The following CDV3 variants were observed in gnomAD, a reference collection of about 807,000 sequenced individuals.
CDV3 encodes protein CDV3 homolog.
Under a neutral mutation model 24.5 loss-of-function variants are expected in CDV3, and 14 were observed. The ratio of observed to expected loss-of-function variants is 0.57; its 90% CI spans 0.38 to 0.89. The LOEUF (loss-of-function observed/expected upper bound fraction) is 0.89, where lower values mean the gene tolerates loss of function less well. Among genes scored for constraint, CDV3 ranks in the 40% least tolerant of loss-of-function variants. The pLI, the probability that CDV3 is intolerant of heterozygous loss-of-function variation, is 0.00. For missense variants in CDV3, 304 were observed against 310.2 expected, an observed-to-expected ratio of 0.98 and a Z score of 0.15; for synonymous variants, 114 against 114.1, an observed-to-expected ratio of 1.00 and a Z score of 0.00.
intron 1 of CDV3, 200 bp from the exon 2 acceptor site, chr3:133,574,839 G>T: frequency 1.4e-6 from 1 of 734,030 alleles, no homozygotes; most frequent in Non-Finnish European, 2.0e-6. Flanking sequence ...GAACCCAGCG[G>T]AAGTATAGTG....
intron 2 of CDV3, among the ~76,000 whole-genome samples, chr3:133,580,281 C>G (rs540412400): frequency 7.0e-4 from 107 of 152,310 alleles, no homozygotes; most frequent in Non-Finnish European, 1.3e-3. Flanking sequence ...TTATCCATGT[C>G]CCTGCAAAGG....
At position 133,588,161 on chromosome 3, in the gene CDV3, T is replaced by G. The variant is rs750363080; in HGVS notation, c.*115T>G. 4 of 1,549,088 alleles carry G rather than the reference T, an allele frequency of 2.6e-6. No individual in the cohort carries two copies. The highest frequency in any genetic ancestry group is 3.5e-6 in the Non-Finnish European group (4 of 1,149,228). On this transcript the variant is annotated 3_prime_UTR_variant, in exon 5 of 5. Transcript: ENST00000264993. Reference sequence around the variant, plus strand: ...CAGACACCGATGCAGACCACTCGATTTCATGACCGGCCCTATTGCACTATG... The same window carrying G: ...CAGACACCGATGCAGACCACTCGATGTCATGACCGGCCCTATTGCACTATG...
intron 2 of CDV3, among the ~76,000 whole-genome samples, chr3:133,583,376 T>C (rs536657947): frequency 5.3e-5 from 8 of 152,336 alleles, no homozygotes; most frequent in African/African-American, 1.9e-4. Context: ...TGCCTGTTTG[T>C]ACACTTTGGT....
intron 2 of CDV3, among the ~76,000 whole-genome samples, chr3:133,581,492 T>C (rs1933016523): frequency 1.3e-5 from 2 of 152,228 alleles, no homozygotes. Flanking sequence ...TAAAGAAATA[T>C]GTAAGAATTA....
intron 2 of CDV3, among the ~76,000 whole-genome samples, chr3:133,576,840 G>GTTTTTTTTTTTTT (rs1378596698): frequency 9.2e-4 from 24 of 26,044 alleles, no homozygotes; most frequent in South Asian, 1.7e-3. Flanking sequence ...AGGTAGACTA[G>GTTTTTTTTTTTTT]CTTTTTTTTT....
rs1296482598 is a variant in CDV3 at position 133,589,714 on chromosome 3, C to T, written c.*1668C>T. 2 of 152,440 alleles carry T rather than the reference C, an allele frequency of 1.3e-5. No homozygotes were observed. The highest frequency in any genetic ancestry group is 2.4e-5 in the African/African-American group (1 of 41,428). The allele number at this position is 152,440 out of a possible 1,614,324, so 9.4% of individuals were successfully genotyped here. On this transcript the variant is annotated 3_prime_UTR_variant, in exon 5 of 5. Transcript: ENST00000264993. The stretch of plus-strand genomic sequence containing the variant: ...AAGTGTCCGTGCAGGAATTGGACTC[C>T]GAGGAGGGTTACAGTATCTCCTGAC...
intron 1 of CDV3, 40 bp downstream of exon 1, chr3:133,574,324 G>A: frequency 2.1e-6 from 2 of 931,766 alleles, no homozygotes; most frequent in Non-Finnish European, 2.6e-6. Flanking sequence ...CCCGGGCCGC[G>A]CGCCGGCGCC....
intron 2 of CDV3, among the ~76,000 whole-genome samples, chr3:133,582,596 T>C (rs892327290): frequency 3.9e-5 from 6 of 152,234 alleles, no homozygotes; most frequent in South Asian, 2.1e-4. Context: ...TCCTTAGATA[T>C]CCTTTTGCAG....
At chr3:133,576,841 C>CTTTTTTTTTTTTTTTTTCTTTTT (rs2074829028) in intron 2 of CDV3, among the ~76,000 whole-genome samples, 1 of 62,388 alleles carries the variant, frequency 1.6e-5, no homozygotes, top group Admixed American at 2.3e-4. Flanking sequence ...GGTAGACTAG[C>CTTTTTTTTTTTTTTTTTCTTTTT]TTTTTTTTTT....
chr3:133,588,510 A>C lies in CDV3; in HGVS notation c.*464A>C. 1.2e-6 allele frequency: 1 copy of C among 837,672 alleles called. No individual in the cohort carries two copies. The highest frequency in any genetic ancestry group is 1.9e-6 in the Non-Finnish European group (1 of 535,850). 51.9% of individuals were successfully genotyped at this position (837,672 alleles called of 1,614,324 possible). ...GGATTCTTATCAGAAATCCTGCATA[A>C]AAAGTCAGCCATCTGGGTTCTGATC... On this transcript the variant is annotated 3_prime_UTR_variant, in exon 5 of 5. Transcript: ENST00000264993.
Position 133,574,096 on chromosome 3 carries a change from A to G in CDV3, c.52A>G (p.Lys18Glu). Residue 18 changes from lysine to glutamate, a missense_variant, in exon 1 of 5, where the codon AAG becomes GAG. Around this residue, in one of 3 missense-constraint regions of CDV3, gnomAD observed 219 missense variants for 203.6 expected, o/e 1.08. Coordinates refer to ENST00000264993, the MANE Select transcript of CDV3 (RefSeq NM_017548.5). ...SLDNFFAKRD[K>E]KKKKERSNRA... is the part of the protein sequence containing the mutation. The stretch of plus-strand genomic sequence containing the variant: ...GGACAACTTCTTTGCCAAGAGGGAC[A>G]AGAAGAAGAAGAAGGAGCGGAGCAA... The G allele has an allele frequency of 8.8e-7, 1 of 1,131,518 alleles. No individual in the cohort carries two copies. The highest frequency in any genetic ancestry group is 1.1e-6 in the Non-Finnish European group (1 of 894,278). 70.1% of individuals were successfully genotyped at this position (1,131,518 alleles called of 1,614,324 possible).
Position 133,584,218 on chromosome 3 carries a change from CA to C in CDV3, c.466+70del, listed in dbSNP as rs1326333851. The C allele has an allele frequency of 3.5e-6, 4 of 1,157,446 alleles. No homozygotes were observed. The East Asian group carries it at 9.7e-5, about 28-fold the overall frequency. The allele number at this position is 1,157,446 out of a possible 1,614,324, so 71.7% of individuals were successfully genotyped here. The stretch of plus-strand genomic sequence containing the variant: ...TATGATTTTATATATGGTCCACTTT[CA>C]ACTAAGTGCATGATTGTGGTAGGGT... On this transcript the variant is annotated intron_variant, in intron 3 of 4. Transcript: ENST00000264993.
At chr3:133,583,468 C>G (rs1442861007) in intron 2 of CDV3, among the ~76,000 whole-genome samples, 2 of 152,192 alleles carry the variant, frequency 1.3e-5, no homozygotes, top group Admixed American at 1.3e-4. Context: ...TCCTCTCTTC[C>G]CTCCCTTAGT....
chr3:133,587,382 C>G, intron 4 of CDV3: 1 of 1,220,776 alleles, frequency 8.2e-7, no homozygotes, highest in Non-Finnish European at 1.0e-6. Context: ...TGGACTTGCT[C>G]CTCTGCTCTG....
intron 3 of CDV3, 97 bp downstream of exon 3, chr3:133,584,247 G>A: frequency 1.2e-6 from 1 of 858,316 alleles, no homozygotes; most frequent in South Asian, 1.8e-5. Flanking sequence ...GGTAGGGTGA[G>A]GAGGAGAGGC....
intron 1 of CDV3, 37 bp downstream of exon 1, chr3:133,574,321 C>A: frequency 1.1e-6 from 1 of 930,992 alleles, no homozygotes; most frequent in South Asian, 4.8e-5. Context: ...GGGCCCGGGC[C>A]GCGCGCCGGC....
intron 1 of CDV3, 128 bp from the exon 2 acceptor site, chr3:133,574,911 T>C: frequency 1.3e-6 from 1 of 748,616 alleles, no homozygotes. Flanking sequence ...AAGCAAGGGC[T>C]TTGACCAGAA....
At chr3:133,576,253 C>T (rs2074802190) in intron 2 of CDV3, among the ~76,000 whole-genome samples, 1 of 152,220 alleles carries the variant, frequency 6.6e-6, no homozygotes, top group Non-Finnish European at 1.5e-5. Context: ...CTTCTCCACT[C>T]TTGAGATTTC....
chr3:133,586,533 G>A, intron 3 of CDV3, 30 bp from the exon 4 acceptor site: 2 of 1,246,186 alleles, frequency 1.6e-6, no homozygotes, highest in Non-Finnish European at 2.3e-6. Flanking sequence ...CATTTAAATA[G>A]TTTATCTAAA....
Sources: allele counts gnomAD v4.1 joint callset (sites outside exome capture counted in the v4.1 genomes callset), GRCh38; gene constraint gnomAD v4.1.1; regional missense constraint gnomAD v4.1.1; transcripts MANE v1.5; gene names NCBI Gene and HGNC (gene_info 2026-07-23, HGNC 2026-07-21).